NDUFS5: variants seen among roughly 807,000 people sequenced by gnomAD.
NDUFS5 encodes the protein NADH dehydrogenase [ubiquinone] iron-sulfur protein 5.
In NDUFS5, 7 loss-of-function variants were observed where a neutral mutation model predicts 10.5. The observed-to-expected ratio is 0.66, with a 90% CI of 0.38 to 1.25. NDUFS5 has a LOEUF of 1.25. NDUFS5 is among the 50% of genes most tolerant of loss of function. The pLI is 0.02. For synonymous variants in NDUFS5, 38 were observed against 44.0 expected (o/e 0.86, Z 0.54); for missense variants, 148 against 140.7 (o/e 1.05, Z -0.26).
rs753140567 is a variant in NDUFS5 at position 39,028,865 on chromosome 1, C to T, written c.141C>T (p.Ile47=). Residue 47 remains isoleucine, a synonymous_variant, in exon 2 of 3, where the codon ATC becomes ATT. Coordinates refer to ENST00000372969, the MANE Select transcript of NDUFS5 (RefSeq NM_004552.3). ...AATGGATAGAATGTGCACATGGAAT[C>T]GGTTATACTCGGGCAGAGAAAGAGT... The part of the protein sequence containing the change: ...EKEWIECAHG[I]GYTRAEKECK... 5.3e-5 allele frequency: 86 copies of T among 1,613,878 alleles called. No individual in the cohort carries two copies. Among genetic ancestry groups the T allele is most frequent in the South Asian group, 7.7e-5 (7 of 91,080 alleles).
At chr1:39,029,095 C>T (rs1289787970) in intron 2 of NDUFS5, among the ~76,000 whole-genome samples, 155 bp downstream of exon 2, 3 of 151,112 alleles carry the variant, frequency 2.0e-5, no homozygotes, top group East Asian at 1.9e-4. Context: ...CAGGTTCAGG[C>T]GATTCGCGTA....
chr1:39,031,451 A>G (rs1201086139), intron 2 of NDUFS5, among the ~76,000 whole-genome samples: 1 of 152,082 alleles, frequency 6.6e-6, no homozygotes, highest in African/African-American at 2.4e-5. Context: ...TAGGACTACA[A>G]GTGCATGCCA....
chr1:39,027,767 GAC>G (rs1644161336), intron 1 of NDUFS5, among the ~76,000 whole-genome samples: 3 of 85,140 alleles, frequency 3.5e-5, no homozygotes, highest in South Asian at 3.9e-4. Flanking sequence ...TTTTTTTTGA[GAC>G]AGAGAACCTG....
intron 2 of NDUFS5, among the ~76,000 whole-genome samples, chr1:39,032,605 A>G (rs1176749493): frequency 2.0e-5 from 3 of 152,150 alleles, no homozygotes; most frequent in African/African-American, 7.2e-5. Flanking sequence ...AAACAGCAAA[A>G]AAAAAAAATC....
chr1:39,031,106 G>T (rs189315340), intron 2 of NDUFS5, among the ~76,000 whole-genome samples: 13 of 152,164 alleles, frequency 8.5e-5, no homozygotes, highest in African/African-American at 3.1e-4. Flanking sequence ...CTGAGCTCAG[G>T]TGATCTGCCT....
At chr1:39,032,487 G>A (rs1644196141) in intron 2 of NDUFS5, among the ~76,000 whole-genome samples, 1 of 152,072 alleles carries the variant, frequency 6.6e-6, no homozygotes, top group African/African-American at 2.4e-5. Context: ...TAAGGTTAAT[G>A]AGACGTTTAA....
intron 2 of NDUFS5, among the ~76,000 whole-genome samples, chr1:39,030,456 C>T (rs1303310496): frequency 2.8e-5 from 4 of 141,326 alleles, no homozygotes; most frequent in African/African-American, 1.0e-4. Context: ...CCTGTAATCC[C>T]AGCACTTTGG....
chr1:39,034,048 C>T lies in NDUFS5; in HGVS notation c.217-344C>T, dbSNP rs141695260. ...ACTCTTGACCTCAGTGATCCACCCG[C>T]CTCAGCCTCCCAAAGTGCTGGGATT... is the stretch of plus-strand genomic sequence containing the variant. On this transcript the variant is annotated intron_variant, in intron 2 of 2. Transcript: ENST00000372969. 6.3e-3 allele frequency among the ~76,000 whole-genome samples: 965 copies of T among 152,176 alleles called. 6 individuals are homozygous for T. Among genetic ancestry groups the T allele is most frequent in the African/African-American group, 0.022 (929 of 41,528 alleles).
chr1:39,029,290 G>T (rs1644174501), intron 2 of NDUFS5, among the ~76,000 whole-genome samples: 1 of 152,088 alleles, frequency 6.6e-6, no homozygotes, highest in Non-Finnish European at 1.5e-5. Context: ...ACCGTGCCTG[G>T]CCTCCTCTGG....
Position 39,030,600 on chromosome 1 carries a change from GGGAGGCTGAGGCA to G in NDUFS5, c.216+1678_216+1690del, listed in dbSNP as rs1424711958. On this transcript the variant is annotated intron_variant, in intron 2 of 2. Transcript: ENST00000372969. ...CTGGCGCCTATAGTCCCAGCTACTC[GGGAGGCTGAGGCA>G]GGAGGCTGAGGCAGGAGAATGGCAT... 2.6e-5 allele frequency among the ~76,000 whole-genome samples: 4 copies of G among 150,966 alleles called. No homozygotes were observed. In the South Asian group the frequency reaches 6.3e-4, roughly 24 times the overall value.
intron 2 of NDUFS5, among the ~76,000 whole-genome samples, chr1:39,033,707 G>T (rs1644208344): frequency 6.6e-6 from 1 of 151,388 alleles, no homozygotes; most frequent in Non-Finnish European, 1.5e-5. Context: ...TCACCATATT[G>T]GCCAGGCTGG....
chr1:39,032,123 C>T (rs1644194159), intron 2 of NDUFS5, among the ~76,000 whole-genome samples: 1 of 119,850 alleles, frequency 8.3e-6, no homozygotes, highest in African/African-American at 2.6e-5. Flanking sequence ...TGCGCCACTG[C>T]ACTCCATCCA....
At chr1:39,028,132 AT>A (rs1286218837) in intron 1 of NDUFS5, among the ~76,000 whole-genome samples, 2 of 136,380 alleles carry the variant, frequency 1.5e-5, no homozygotes, top group Non-Finnish European at 3.2e-5. Flanking sequence ...CAAGTGGCTG[AT>A]TTAAAAAAAA....
intron 2 of NDUFS5, among the ~76,000 whole-genome samples, chr1:39,034,115 G>A (rs774052794): frequency 5.9e-5 from 9 of 152,084 alleles, no homozygotes; most frequent in Non-Finnish European, 1.3e-4. Flanking sequence ...CCACAAATAT[G>A]CCTCTTAAAG....
intron 2 of NDUFS5, among the ~76,000 whole-genome samples, chr1:39,029,900 G>A (rs1258515188): frequency 1.3e-5 from 2 of 152,028 alleles, no homozygotes; most frequent in Non-Finnish European, 1.5e-5. Flanking sequence ...AGACCAGCCT[G>A]GCCAAGATGG....
chr1:39,027,028 A>C (rs1484002242), intron 1 of NDUFS5, among the ~76,000 whole-genome samples: 1 of 152,242 alleles, frequency 6.6e-6, no homozygotes, highest in Non-Finnish European at 1.5e-5. Flanking sequence ...GTAACTACTC[A>C]GTAAATGATG....
intron 1 of NDUFS5, among the ~76,000 whole-genome samples, chr1:39,026,648 T>G (rs1644150801): frequency 1.3e-5 from 2 of 152,216 alleles, no homozygotes; most frequent in African/African-American, 4.8e-5. Flanking sequence ...GCTTTCTGTT[T>G]CTTAACCTAA....
chr1:39,034,601 G>A lies in NDUFS5; in HGVS notation c.*105G>A. On this transcript the variant is annotated 3_prime_UTR_variant, in exon 3 of 3. Coordinates refer to ENST00000372969, the MANE Select transcript of NDUFS5 (RefSeq NM_004552.3). ...CTTGTCAAAGTGTGTAAAAATAAAG[G>A]ATTGCTCCATCCTATTTGTTCTATT... 1.1e-6 allele frequency: 1 copy of A among 889,950 alleles called. No homozygotes were observed. 55.1% of individuals were successfully genotyped at this position (889,950 alleles called of 1,614,324 possible).
intron 1 of NDUFS5, among the ~76,000 whole-genome samples, chr1:39,027,598 A>G (rs1214484750): frequency 5.8e-5 from 1 of 17,270 alleles, no homozygotes; most frequent in African/African-American, 1.1e-4. Context: ...TTTTTTTTTG[A>G]GACAGGATCT....
Sources: gnomAD v4.1 joint callset for allele counts (sites outside exome capture counted in the v4.1 genomes callset) on GRCh38, gnomAD v4.1.1 for gene constraint, MANE v1.5 for transcripts, NCBI Gene and HGNC (gene_info 2026-07-23, HGNC 2026-07-21) for gene names.